Variants in HADHB observed in about 807,000 individuals in gnomAD.
The protein encoded by HADHB is trifunctional enzyme subunit beta, mitochondrial.
A neutral mutation model predicts 61.9 loss-of-function variants in HADHB; 50 were observed. The observed-to-expected ratio is 0.81, with a 90% CI of 0.64 to 1.02. HADHB has a LOEUF of 1.02. HADHB is among the 50% of genes least tolerant of loss of function. HADHB has a pLI of 0.00. For missense variants in HADHB, 504 were observed against 586.5 expected (o/e 0.86, Z 1.45); for synonymous variants, 191 against 201.6 (o/e 0.95, Z 0.45).
rs113258853 is a variant in HADHB, at chr2:26,268,154, T to TAAATA, written c.210-1796_210-1792dup. ...GAGACCCTATCTCAAAAAATAAAAA[T>TAAATA]AAATAAAGAATGAGAAAAATAACCA... On this transcript the variant is annotated intron_variant, in intron 4 of 15. Transcript: ENST00000317799. Among the ~76,000 whole-genome samples, 945 of 151,792 alleles carry TAAATA rather than the reference T, an allele frequency of 6.2e-3. 8 individuals carry two copies. Among genetic ancestry groups the TAAATA allele is most frequent in the African/African-American group, 0.021 (884 of 41,378 alleles).
Position 26,285,484 on chromosome 2 carries a change from C to T in HADHB, c.1302C>T (p.Gly434=), listed in dbSNP as rs760399611. 1 of 1,613,702 alleles carries T rather than the reference C, an allele frequency of 6.2e-7. No homozygotes were observed. Among genetic ancestry groups the T allele is most frequent in the Non-Finnish European group, 8.5e-7 (1 of 1,179,678 alleles). Residue 434 remains glycine (G), a synonymous_variant, in exon 15 of 16, where the codon GGC becomes GGT. Transcript: ENST00000317799. ...LSLGHPFGAT[G]CRLVMAAANR... ...TGGGACACCCATTTGGAGCCACTGG[C>T]TGCAGGTTGGTCATGGCTGCTGCCA...
In HADHB at chr2:26,279,397, A is replaced by AT. The variant is rs1363950782; in HGVS notation, c.811+83dup. On this transcript the variant is annotated intron_variant, in intron 9 of 15. Transcript: ENST00000317799. ...CAAAAACATCCCGAGTGATTTTTCCATAAGTATGTTGGTTCTGTTTCCAAA... is the reference window on the plus strand; with the variant it reads ...CAAAAACATCCCGAGTGATTTTTCCATTAAGTATGTTGGTTCTGTTTCCAAA... The AT allele has an allele frequency of 4.0e-5, 40 of 991,400 alleles. No individual in the cohort carries two copies. In the Admixed American group the frequency reaches 6.9e-4, roughly 17 times the overall value. 61.4% of individuals were successfully genotyped at this position (991,400 alleles called of 1,614,324 possible). A position where few individuals can be genotyped will look rare whatever the true frequency, so the allele number is the denominator to read the frequency against.
intron 5 of HADHB, among the ~76,000 whole-genome samples, chr2:26,271,364 G>T (rs1672341017): frequency 6.6e-6 from 1 of 151,956 alleles, no homozygotes; most frequent in Admixed American, 6.6e-5. Context: ...AAAATTAGCT[G>T]GGCGTAGTAG....
intron 4 of HADHB, among the ~76,000 whole-genome samples, chr2:26,267,314 A>C (rs1276432411): frequency 6.6e-6 from 1 of 152,146 alleles, no homozygotes; most frequent in East Asian, 1.9e-4. Flanking sequence ...GAGAACTTGT[A>C]GTGCCGGAAA....
intron 3 of HADHB, among the ~76,000 whole-genome samples, chr2:26,257,624 T>C (rs1000152403): frequency 6.6e-6 from 1 of 152,074 alleles, no homozygotes; most frequent in Admixed American, 6.6e-5. Context: ...CTTTTTAGGC[T>C]CTTCTGTGTA....
intron 3 of HADHB, among the ~76,000 whole-genome samples, chr2:26,259,926 T>G (rs947760554): frequency 2.0e-5 from 3 of 152,142 alleles, no homozygotes; most frequent in African/African-American, 7.2e-5. Context: ...AGCAAAGCTG[T>G]AAAGGACTGG....
intron 10 of HADHB, among the ~76,000 whole-genome samples, chr2:26,281,076 A>G (rs1296561374): frequency 6.6e-6 from 1 of 151,896 alleles, no homozygotes; most frequent in Non-Finnish European, 1.5e-5. Flanking sequence ...ACTGACCCCA[A>G]TATTATTTTC....
chr2:26,284,770 T>G, intron 13 of HADHB, 113 bp from the exon 14 acceptor site: 2 of 761,214 alleles, frequency 2.6e-6, no homozygotes, highest in South Asian at 2.7e-5. Context: ...CCTGGCCGAT[T>G]TGTTCAACTT....
chr2:26,268,158 TAAAG>T (rs979158817), intron 4 of HADHB, among the ~76,000 whole-genome samples: 3 of 151,748 alleles, frequency 2.0e-5, no homozygotes, highest in Non-Finnish European at 2.9e-5. Context: ...TAAAAATAAA[TAAAG>T]AATGAGAAAA....
At chr2:26,283,246 C>T (rs776294018) in intron 12 of HADHB, among the ~76,000 whole-genome samples, 195 bp downstream of exon 12, 7 of 152,034 alleles carry the variant, frequency 4.6e-5, no homozygotes, top group South Asian at 2.1e-4. Flanking sequence ...GTAATCTGGC[C>T]GGGCACGGTG....
chr2:26,259,964 G>A lies in HADHB; in HGVS notation c.110-3416G>A, dbSNP rs143389205. On this transcript the variant is annotated intron_variant, in intron 3 of 15. Coordinates refer to ENST00000317799, the MANE Select transcript of HADHB (RefSeq NM_000183.3). ...GCTGGCTCATCTTGTTCTATTTTGA[G>A]AAGTAGTGGAAAATACTTAAGGTGG... Among the ~76,000 whole-genome samples, 8 of 152,214 alleles carry A rather than the reference G, an allele frequency of 5.3e-5. No individual in the cohort carries two copies. The East Asian group carries it at 1.5e-3, about 29-fold the overall frequency.
chr2:26,283,148 T>C (rs1485858989), intron 12 of HADHB, 97 bp downstream of exon 12: 4 of 827,302 alleles, frequency 4.8e-6, no homozygotes, highest in Non-Finnish European at 8.5e-6. Context: ...TGGTTTATTA[T>C]TTATTTGTTT....
At chr2:26,284,983 G>C (rs377313341) in intron 14 of HADHB, 26 bp downstream of exon 14, 7 of 1,154,510 alleles carry the variant, frequency 6.1e-6, no homozygotes, top group South Asian at 1.2e-5. Context: ...TAAAAAATGC[G>C]TGAATTTTCA....
At position 26,263,423 on chromosome 2, in the gene HADHB, A is replaced by G. The variant is rs1671940617; in HGVS notation, c.153A>G (p.Ile51Met). The G allele has an allele frequency of 6.2e-7, 1 of 1,613,440 alleles. No individual in the cohort carries two copies. Among genetic ancestry groups the G allele is most frequent in the Non-Finnish European group, 8.5e-7 (1 of 1,179,534 alleles). The change falls in exon 4 of 16, where the codon ATA becomes ATG. Residue 51 changes from isoleucine to methionine, a missense_variant. Coordinates refer to ENST00000317799, the MANE Select transcript of HADHB (RefSeq NM_000183.3). Reference sequence around the variant, plus strand: ...AGAAGACGTTAGCCAAACCCAATATAAGGAATGTTGTGGTGGTGGATGGTG... The same window carrying G: ...AGAAGACGTTAGCCAAACCCAATATGAGGAATGTTGTGGTGGTGGATGGTG... ...KTKKTLAKPNIRNVVVVDGVR... is the reference protein window; with the variant it reads ...KTKKTLAKPNMRNVVVVDGVR...
Position 26,245,263 on chromosome 2 carries a change from G to GGT in HADHB, c.-9+289_-9+290dup, listed in dbSNP as rs3839048. 3.9e-3 allele frequency: 652 copies of GGT among 167,880 alleles called. 3 individuals carry two copies. The highest frequency in any genetic ancestry group is 0.012 in the African/African-American group (477 of 41,464). The allele number at this position is 167,880 out of a possible 1,614,324, so 10.4% of individuals were successfully genotyped here. ...AGTTAACGAAGTCTGGGGGTGTGGG[G>GGT]GTGTGTGTGTGTGTGTGGGTGTGTG... On this transcript the variant is annotated intron_variant, in intron 1 of 15. Transcript: ENST00000317799.
intron 3 of HADHB, among the ~76,000 whole-genome samples, chr2:26,256,442 T>C (rs1343471349): frequency 6.6e-6 from 1 of 152,150 alleles, no homozygotes; most frequent in Non-Finnish European, 1.5e-5. Context: ...TTTTTAGTCA[T>C]CTGATGGACT....
chr2:26,254,152 T>C, intron 1 of HADHB, 95 bp from the exon 2 acceptor site: 1 of 738,254 alleles, frequency 1.4e-6, no homozygotes, highest in Non-Finnish European at 2.5e-6. Context: ...TGTTTTCTAG[T>C]AGCCATGGAT....
intron 10 of HADHB, 24 bp downstream of exon 10, chr2:26,280,139 T>C: frequency 1.3e-6 from 2 of 1,594,592 alleles, no homozygotes; most frequent in Non-Finnish European, 1.7e-6. Context: ...TTATTTGTAT[T>C]TAGTAGTGAC....
intron 5 of HADHB, among the ~76,000 whole-genome samples, chr2:26,272,602 G>GC (rs1302836025): frequency 1.3e-5 from 2 of 151,192 alleles, no homozygotes; most frequent in African/African-American, 2.4e-5. Flanking sequence ...GCCTGCCTCG[G>GC]CCTCCCAAAG....
Sources: allele counts gnomAD v4.1 joint callset (sites outside exome capture counted in the v4.1 genomes callset), GRCh38; gene constraint gnomAD v4.1.1; transcripts MANE v1.5; gene names NCBI Gene and HGNC (gene_info 2026-07-23, HGNC 2026-07-21).